Variants in THUMPD3 observed in about 807,000 individuals in gnomAD.
THUMPD3 encodes the protein THUMP domain 3 tRNA guanosine methyltransferase.
In THUMPD3, 44 loss-of-function variants were observed where a neutral mutation model predicts 54.5. The ratio of observed to expected loss-of-function variants is 0.81; its 90% CI spans 0.63 to 1.04. The LOEUF (loss-of-function observed/expected upper bound fraction) is 1.04. Among genes scored for constraint, THUMPD3 ranks in the 50% least tolerant of loss-of-function variants. The probability of loss-of-function intolerance (pLI) is 0.00; values close to 1 mark genes in which losing one functional copy is unlikely to be tolerated. For synonymous variants in THUMPD3, 196 were observed against 201.4 expected (o/e 0.97, Z 0.23); for missense variants, 604 against 601.3 (o/e 1.00, Z -0.05).
chr3:9,364,937 C>A, intron 1 of THUMPD3, 79 bp from the exon 2 acceptor site: 2 of 1,222,078 alleles, frequency 1.6e-6, no homozygotes, highest in Non-Finnish European at 2.3e-6. Context: ...GTTCTTCCTG[C>A]CCTCCAGAGC....
chr3:9,364,083 T>C (rs1235620019), intron 1 of THUMPD3: 1 of 151,962 alleles, frequency 6.6e-6, no homozygotes, highest in Non-Finnish European at 1.5e-5. Flanking sequence ...TTTAAATGCA[T>C]GAAATGCTAT....
At chr3:9,368,260 C>A (rs1486202996) in intron 3 of THUMPD3, among the ~76,000 whole-genome samples, 1 of 151,836 alleles carries the variant, frequency 6.6e-6, no homozygotes, top group Non-Finnish European at 1.5e-5. Context: ...TCTCAAACTT[C>A]TGGGCTCAAG....
At chr3:9,383,863 C>T (rs1575086899) in intron 8 of THUMPD3, among the ~76,000 whole-genome samples, 1 of 152,212 alleles carries the variant, frequency 6.6e-6, no homozygotes, top group Non-Finnish European at 1.5e-5. Context: ...TTCAGGTGAT[C>T]TGCCCGCCTC....
At chr3:9,363,301 T>G (rs2031051128) in intron 1 of THUMPD3, 174 bp downstream of exon 1, 1 of 152,232 alleles carries the variant, frequency 6.6e-6, no homozygotes, top group Non-Finnish European at 1.5e-5. Context: ...CTCCCTAGGA[T>G]TCCCGGGCCC....
Position 9,371,122 on chromosome 3 carries a change from AGT to A in THUMPD3, c.397_398del (p.Trp133GlufsTer3). Reference protein sequence around the residue: ...GKLPWSNPLKVWKINASFKKK... With the variant: ...GKLPWSNPLKXWKINASFKKK... ...AACTCCCATGGTCAAACCCCTTAAA[AGT>A]GTGGAAAATTAATGCCAGTTTTAAA... On this transcript the variant is annotated frameshift_variant, in exon 4 of 10. Transcript: ENST00000452837. LOFTEE classifies it high-confidence loss of function. The A allele has an allele frequency of 6.2e-7, 1 of 1,607,774 alleles. No homozygotes were observed. Among genetic ancestry groups the A allele is most frequent in the Non-Finnish European group, 8.5e-7 (1 of 1,178,634 alleles).
intron 4 of THUMPD3, among the ~76,000 whole-genome samples, chr3:9,373,271 T>A (rs1284653527): frequency 1.3e-5 from 2 of 151,870 alleles, no homozygotes; most frequent in African/African-American, 4.8e-5. Flanking sequence ...GATTGGAGGA[T>A]TGTTTCAGGC....
chr3:9,373,838 C>T (rs1436926635), intron 4 of THUMPD3, among the ~76,000 whole-genome samples: 3 of 152,150 alleles, frequency 2.0e-5, no homozygotes, highest in African/African-American at 7.2e-5. Flanking sequence ...CTCAGCCTCC[C>T]GAGTAGCTGG....
rs2033190249 is a variant in THUMPD3, at chr3:9,384,522, A to C, written c.1360-2A>C. On this transcript the variant is annotated splice_acceptor_variant, in intron 9 of 9. Transcript: ENST00000452837. LOFTEE classifies it high-confidence loss of function. ...ATTGTTATTTTTTTTGTGTGTACAC[A>C]GGCGTTATCTGGAATGCGACACGTA... The C allele has an allele frequency of 6.8e-6, 11 of 1,614,136 alleles. No individual in the cohort carries two copies. The East Asian group carries it at 2.2e-4, about 33-fold the overall frequency.
chr3:9,371,555 T>C lies in THUMPD3; in HGVS notation c.807+19T>C. On this transcript the variant is annotated intron_variant, in intron 4 of 9. Coordinates refer to ENST00000452837, the MANE Select transcript of THUMPD3 (RefSeq NM_001114092.2). ...TGTGGAGGTAGGTATAGGCTCTGAC[T>C]GTGGTGATTGAAGAATGCTGTCACA... is the stretch of plus-strand genomic sequence containing the variant. 1 of 1,566,876 alleles carries C rather than the reference T, an allele frequency of 6.4e-7. No individual in the cohort carries two copies. The highest frequency in any genetic ancestry group is 2.2e-5 in the East Asian group (1 of 44,516).
rs751102304 is a variant in THUMPD3, at chr3:9,365,118, A to C, written c.50A>C (p.His17Pro). Residue 17 changes from histidine to proline, a missense_variant, in exon 2 of 10, where the codon CAT becomes CCT. Coordinates refer to ENST00000452837, the MANE Select transcript of THUMPD3 (RefSeq NM_001114092.2). Reference protein sequence around the residue: ...ATNQLLDVNLHENQKSVQVTE... With the variant: ...ATNQLLDVNLPENQKSVQVTE... ...AACCAACTCCTAGATGTGAACCTTCATGAGAACCAGAAGTCTGTACAAGTG... is the reference window on the plus strand; with the variant it reads ...AACCAACTCCTAGATGTGAACCTTCCTGAGAACCAGAAGTCTGTACAAGTG... 3.7e-6 allele frequency: 6 copies of C among 1,614,244 alleles called. No individual in the cohort carries two copies. The South Asian group carries it at 6.6e-5, about 18-fold the overall frequency.
chr3:9,369,352 G>C (rs920277215), intron 3 of THUMPD3, among the ~76,000 whole-genome samples: 3 of 151,126 alleles, frequency 2.0e-5, no homozygotes, highest in Non-Finnish European at 4.4e-5. Flanking sequence ...TACTCTGAGG[G>C]TGGAACCTAT....
In THUMPD3 at chr3:9,366,891, C is replaced by CTT; in HGVS notation, c.253-9_253-8dup. Reference sequence around the variant, plus strand: ...CAAAAGCTTTCTCAGAAATGTGTTTCTTTTTTTTTCACCCAGGTTCATTGT... The same window carrying CTT: ...CAAAAGCTTTCTCAGAAATGTGTTTCTTTTTTTTTTTCACCCAGGTTCATTGT... On this transcript the variant is annotated splice_polypyrimidine_tract_variant and intron_variant, in intron 2 of 9. Coordinates refer to ENST00000452837, the MANE Select transcript of THUMPD3 (RefSeq NM_001114092.2). 1 of 1,574,350 alleles carries CTT rather than the reference C, an allele frequency of 6.4e-7. No homozygotes were observed. The highest frequency in any genetic ancestry group is 8.6e-7 in the Non-Finnish European group (1 of 1,156,402).
At chr3:9,375,452 T>C (rs1041401221) in intron 5 of THUMPD3, among the ~76,000 whole-genome samples, 5 of 152,236 alleles carry the variant, frequency 3.3e-5, no homozygotes, top group African/African-American at 1.2e-4. Flanking sequence ...CCTTCTCTCT[T>C]TTATTGGGTG....
rs769964684 is a variant in THUMPD3 at position 9,384,234 on chromosome 3, T to C, written c.1258T>C (p.Trp420Arg). 2 of 1,614,126 alleles carry C rather than the reference T, an allele frequency of 1.2e-6. No homozygotes were observed. The highest frequency in any genetic ancestry group is 1.1e-5 in the South Asian group (1 of 91,080). ...TAGGATGGGATCCAAGAAGAGAAAC[T>C]GGAACCTTTATCCAGCTTGCCTACG... Reference protein sequence around the residue: ...GKRMGSKKRNWNLYPACLREM... With the variant: ...GKRMGSKKRNRNLYPACLREM... The change falls in exon 9 of 10, where the codon TGG becomes CGG. Residue 420 changes from tryptophan to arginine, a missense_variant. Coordinates refer to ENST00000452837, the MANE Select transcript of THUMPD3 (RefSeq NM_001114092.2).
intron 3 of THUMPD3, among the ~76,000 whole-genome samples, chr3:9,368,021 C>T (rs1266280512): frequency 6.6e-6 from 1 of 151,834 alleles, no homozygotes; most frequent in Admixed American, 6.6e-5. Flanking sequence ...GCAGAGATCA[C>T]ACCACTGCAC....
Position 9,365,280 on chromosome 3 carries a change from GC to G in THUMPD3, c.213del (p.Lys72ArgfsTer17). Reference protein sequence around the residue: ...GSSCKISRDRGKIYFVISVES... With the variant: ...GSSCKISRDRXKIYFVISVES... The stretch of plus-strand genomic sequence containing the variant: ...TCATGCAAAATCAGCAGAGACCGTG[GC>G]AAGATATATTTTGTCATTTCAGTGG... On this transcript the variant is annotated frameshift_variant, in exon 2 of 10. Transcript: ENST00000452837. LOFTEE classifies it high-confidence loss of function. 6.2e-7 allele frequency: 1 copy of G among 1,614,162 alleles called. No homozygotes were observed.
intron 6 of THUMPD3, 151 bp from the exon 7 acceptor site, chr3:9,380,352 A>T: frequency 1.7e-6 from 1 of 590,560 alleles, no homozygotes. Flanking sequence ...AGAAAGAATA[A>T]GAGGGCATTT....
rs577863688 is a variant in THUMPD3, at chr3:9,384,615, G to A, written c.1451G>A (p.Arg484His). 170 of 1,614,140 alleles carry A rather than the reference G, an allele frequency of 1.1e-4. 1 individual carries two copies. Among genetic ancestry groups the A allele is most frequent in the Middle Eastern group, 9.9e-4 (6 of 6,058 alleles). Residue 484 changes from arginine to histidine, a missense_variant, in exon 10 of 10, where the codon CGT becomes CAT. Physicochemically the swap from Arg to His is conservative, Grantham distance 29 (BLOSUM62 0). Coordinates refer to ENST00000452837, the MANE Select transcript of THUMPD3 (RefSeq NM_001114092.2). ...CGTGCTGCAGTTTACGTTCTGATAC[G>A]TACACCTCAAGCTTTTGTTCATCCT... is the stretch of plus-strand genomic sequence containing the variant. ...GLRAAVYVLIRTPQAFVHPSE... is the reference protein window; with the variant it reads ...GLRAAVYVLIHTPQAFVHPSE...
chr3:9,375,789 C>T (rs2032416812), intron 5 of THUMPD3, among the ~76,000 whole-genome samples: 1 of 152,188 alleles, frequency 6.6e-6, no homozygotes, highest in Non-Finnish European at 1.5e-5. Context: ...TCCTAGGCTA[C>T]AAACCTGTAC....
Sources: gnomAD v4.1 joint callset for allele counts (sites outside exome capture counted in the v4.1 genomes callset) on GRCh38, gnomAD v4.1.1 for gene constraint, MANE v1.5 for transcripts, NCBI Gene and HGNC (gene_info 2026-07-23, HGNC 2026-07-21) for gene names.